The following ABCD3 variants were observed in gnomAD, a reference collection of about 807,000 sequenced individuals.
ABCD3 encodes the protein ATP binding cassette subfamily D member 3.
A neutral mutation model predicts 105.5 loss-of-function variants in ABCD3; 41 were observed. That is an observed-to-expected ratio of 0.39 (90% confidence interval 0.30 to 0.50). ABCD3 has a LOEUF of 0.50. ABCD3 is among the 20% of genes least tolerant of loss of function. ABCD3 has a pLI of 0.84. For missense variants in ABCD3, 622 were observed against 806.3 expected (o/e 0.77, Z 2.77); for synonymous variants, 258 against 269.0 (o/e 0.96, Z 0.40).
chr1:94,418,348 G>T, upstream of ABCD3: 1 of 644,544 alleles, frequency 1.6e-6, no homozygotes. Flanking sequence ...GCGCGAGCCA[G>T]GGGGCGGTCC....
chr1:94,517,384 C>G lies in ABCD3; in HGVS notation c.*255C>G, dbSNP rs879015451. On this transcript the variant is annotated 3_prime_UTR_variant, in exon 23 of 23. Coordinates refer to ENST00000370214, the MANE Select transcript of ABCD3 (RefSeq NM_002858.4). ...TGTCCTTATTCTTGTGGTTAAAAAC[C>G]TGCCTAAATTAAATTGGGCTTCAAT... The G allele has an allele frequency of 2.5e-5, 10 of 398,118 alleles. No individual in the cohort carries two copies. Among genetic ancestry groups the G allele is most frequent in the South Asian group, 1.8e-4 (8 of 44,296 alleles). The allele number at this position is 398,118 out of a possible 1,614,324, so 24.7% of individuals were successfully genotyped here.
chr1:94,516,612 T>G (rs542879477), intron 22 of ABCD3, among the ~76,000 whole-genome samples: 1 of 151,962 alleles, frequency 6.6e-6, no homozygotes, highest in Non-Finnish European at 1.5e-5. Flanking sequence ...GGGGCCAGGA[T>G]AGCTAAGAAA....
intron 10 of ABCD3, among the ~76,000 whole-genome samples, chr1:94,485,791 T>G (rs1024923780): frequency 2.0e-5 from 3 of 152,340 alleles, no homozygotes; most frequent in East Asian, 1.9e-4. Flanking sequence ...TCTGTACTTA[T>G]GTACACATAT....
At chr1:94,480,628 C>T in intron 9 of ABCD3, 22 bp downstream of exon 9, 1 of 1,612,766 alleles carries the variant, frequency 6.2e-7, no homozygotes, top group Non-Finnish European at 8.5e-7. Context: ...TGCATTAAAG[C>T]CTTGCTAAAA....
intron 1 of ABCD3, among the ~76,000 whole-genome samples, chr1:94,434,715 A>C (rs957472185): frequency 6.6e-6 from 1 of 152,262 alleles, no homozygotes; most frequent in African/African-American, 2.4e-5. Context: ...TACCACAGAC[A>C]GAAAACTGCA....
the ABCD3 span, among the ~76,000 whole-genome samples, chr1:94,397,436 A>G: frequency 6.6e-6 from 1 of 152,184 alleles, no homozygotes; most frequent in Non-Finnish European, 1.5e-5. Context: ...CATGAACTTG[A>G]CACTTTTGAA....
At chr1:94,516,322 A>G (rs1650919684) in intron 22 of ABCD3, among the ~76,000 whole-genome samples, 1 of 152,004 alleles carries the variant, frequency 6.6e-6, no homozygotes, top group Non-Finnish European at 1.5e-5. Flanking sequence ...TAACTGTGTG[A>G]CTTTTAAAGA....
At chr1:94,473,935 AC>A in intron 5 of ABCD3, 100 bp downstream of exon 5, 2 of 859,120 alleles carry the variant, frequency 2.3e-6, no homozygotes, top group African/African-American at 1.7e-5. Flanking sequence ...GACTTATGAT[AC>A]TAAGTTCCTA....
chr1:94,416,361 C>T (rs1004913113), upstream of ABCD3, among the ~76,000 whole-genome samples: 12 of 152,198 alleles, frequency 7.9e-5, no homozygotes, highest in African/African-American at 2.9e-4. Context: ...TTTGTGTTCT[C>T]ATAGCACCTT....
intron 1 of ABCD3, among the ~76,000 whole-genome samples, chr1:94,444,037 G>A: frequency 6.6e-6 from 1 of 151,778 alleles, no homozygotes; most frequent in East Asian, 1.9e-4. Flanking sequence ...TTCTATCTGT[G>A]TTTTTATATT....
At chr1:94,487,382 G>A (rs1201784338) in intron 10 of ABCD3, among the ~76,000 whole-genome samples, 160 bp from the exon 11 acceptor site, 2 of 152,156 alleles carry the variant, frequency 1.3e-5, no homozygotes, top group African/African-American at 4.8e-5. Context: ...CATTGTCCTC[G>A]GTGGTGTGAT....
At chr1:94,386,106 G>GA in the ABCD3 span, among the ~76,000 whole-genome samples, 3 of 151,728 alleles carry the variant, frequency 2.0e-5, no homozygotes, top group African/African-American at 4.8e-5. Flanking sequence ...AAGTTTCAAA[G>GA]AAAAAAAGAA....
chr1:94,508,502 A>C (rs535587419), intron 21 of ABCD3, among the ~76,000 whole-genome samples: 16 of 151,278 alleles, frequency 1.1e-4, no homozygotes, highest in Non-Finnish European at 2.2e-4. Context: ...TATGAACTTT[A>C]AAGTAGTTTT....
intron 10 of ABCD3, among the ~76,000 whole-genome samples, chr1:94,484,384 A>G (rs955566171): frequency 6.6e-6 from 1 of 152,202 alleles, no homozygotes; most frequent in African/African-American, 2.4e-5. Context: ...CTTGGAACCA[A>G]CCCGAATGTC....
intron 7 of ABCD3, among the ~76,000 whole-genome samples, 198 bp downstream of exon 7, chr1:94,475,935 G>C (rs887515856): frequency 6.6e-6 from 1 of 152,084 alleles, no homozygotes; most frequent in Non-Finnish European, 1.5e-5. Context: ...CTTTGGCAAA[G>C]AACTGATAAT....
At chr1:94,476,757 A>G (rs374991102) in intron 7 of ABCD3, among the ~76,000 whole-genome samples, 1 of 152,168 alleles carries the variant, frequency 6.6e-6, no homozygotes, top group African/African-American at 2.4e-5. Context: ...CAACTTTGTT[A>G]TTTATTTAGC....
chr1:94,473,891 AT>A, intron 5 of ABCD3, 56 bp downstream of exon 5: 1 of 1,372,452 alleles, frequency 7.3e-7, no homozygotes, highest in Non-Finnish European at 1.0e-6. Flanking sequence ...TCTTATTAAA[AT>A]CTTTAAGGGT....
the ABCD3 span, among the ~76,000 whole-genome samples, chr1:94,412,469 A>C: frequency 6.6e-6 from 1 of 152,174 alleles, no homozygotes; most frequent in African/African-American, 2.4e-5. Context: ...GTTCATATAA[A>C]ATTGCTTCAT....
chr1:94,434,986 T>TA (rs369446876), intron 1 of ABCD3, among the ~76,000 whole-genome samples: 37 of 152,242 alleles, frequency 2.4e-4, no homozygotes, highest in African/African-American at 8.4e-4. Context: ...GTTTTTTTTT[T>TA]ATCTATGTCT....
Sources: allele counts gnomAD v4.1 joint callset (sites outside exome capture counted in the v4.1 genomes callset), GRCh38; gene constraint gnomAD v4.1.1; transcripts MANE v1.5; gene names NCBI Gene and HGNC (gene_info 2026-07-23, HGNC 2026-07-21).